The following TFCP2 variants were observed in gnomAD, a reference collection of about 807,000 sequenced individuals.
TFCP2 encodes alpha-globin transcription factor CP2.
In TFCP2, 33 loss-of-function variants were observed where a neutral mutation model predicts 73.4. The observed-to-expected ratio is 0.45, with a 90% CI of 0.34 to 0.60. The LOEUF is 0.60. TFCP2 is among the 20% of genes least tolerant of loss of function. The pLI, the probability that TFCP2 is intolerant of heterozygous loss-of-function variation, is 0.01. For missense variants in TFCP2, 352 were observed against 604.0 expected (o/e 0.58, Z 4.37); for synonymous variants, 193 against 211.6 (o/e 0.91, Z 0.76).
intron 6 of TFCP2, among the ~76,000 whole-genome samples, chr12:51,107,699 A>T (rs986167063): frequency 2.0e-5 from 3 of 151,752 alleles, no homozygotes; most frequent in Non-Finnish European, 4.4e-5. Context: ...CTCCGCCTCC[A>T]GGGTTCAAAT....
chr12:51,139,667 T>G (rs1340269898), intron 1 of TFCP2, among the ~76,000 whole-genome samples: 1 of 152,208 alleles, frequency 6.6e-6, no homozygotes, highest in East Asian at 1.9e-4. Flanking sequence ...CAGGAGACAC[T>G]GCACCTGGCC....
At chr12:51,145,294 A>C (rs1941272507) in intron 1 of TFCP2, among the ~76,000 whole-genome samples, 1 of 151,678 alleles carries the variant, frequency 6.6e-6, no homozygotes, top group Admixed American at 6.6e-5. Flanking sequence ...AAGCAGGAGA[A>C]TCGCTTGAAC....
intron 4 of TFCP2, among the ~76,000 whole-genome samples, chr12:51,113,432 CAACTT>C (rs918693086): frequency 6.6e-6 from 1 of 152,146 alleles, no homozygotes; most frequent in African/African-American, 2.4e-5. Flanking sequence ...TGGGAAGACA[CAACTT>C]AACTGCAAAC....
chr12:51,136,754 GGT>G (rs1468895861), intron 1 of TFCP2, among the ~76,000 whole-genome samples: 4 of 152,106 alleles, frequency 2.6e-5, no homozygotes, highest in African/African-American at 9.7e-5. Context: ...TAGCTGACAT[GGT>G]AAAACCCCAT....
chr12:51,100,644 C>A (rs548221121), intron 11 of TFCP2, among the ~76,000 whole-genome samples: 2 of 152,056 alleles, frequency 1.3e-5, no homozygotes, highest in Non-Finnish European at 2.9e-5. Context: ...GGCAAAACCC[C>A]GCCTCTACAA....
intron 13 of TFCP2, among the ~76,000 whole-genome samples, chr12:51,096,625 G>A (rs7954140): frequency 0.2 from 30,473 of 152,176 alleles, 3,096 homozygotes; most frequent in South Asian, 0.26. Flanking sequence ...GAATTAAAGA[G>A]TAACCTAATC....
At chr12:51,096,098 C>T (rs1939960580) in intron 13 of TFCP2, 58 bp from the exon 14 acceptor site, 1 of 1,450,652 alleles carries the variant, frequency 6.9e-7, no homozygotes, top group East Asian at 2.3e-5. Flanking sequence ...CTTTATATTC[C>T]TGTGTCCCTA....
chr12:51,155,651 G>T (rs1941520450), intron 1 of TFCP2, among the ~76,000 whole-genome samples: 1 of 152,178 alleles, frequency 6.6e-6, no homozygotes. Context: ...ATCTTTTCAT[G>T]TGCTTATTGG....
chr12:51,164,916 A>G (rs1450734241), intron 1 of TFCP2, among the ~76,000 whole-genome samples: 2 of 152,360 alleles, frequency 1.3e-5, no homozygotes, highest in Admixed American at 1.3e-4. Flanking sequence ...CCAGTATCAC[A>G]TGGCTGCATT....
rs35709772 is a variant in TFCP2, at chr12:51,130,471, C to CAA, written c.123-11701_123-11700dup. Among the ~76,000 whole-genome samples the CAA allele has an allele frequency of 3.2e-3, 454 of 143,190 alleles. 5 individuals are homozygous for CAA. The highest frequency in any genetic ancestry group is 1.0e-3 in the Non-Finnish European group (65 of 65,248). 93.9% of individuals were successfully genotyped at this position (143,190 alleles called of 152,430 possible). A position where few individuals can be genotyped will look rare whatever the true frequency, so the allele number is the denominator to read the frequency against. Reference sequence around the variant, plus strand: ...TGGGTGATAGAACGAGACTCCGTCTCAAAAAAAAAAAGAAGCTGCATTGGA... The same window carrying CAA: ...TGGGTGATAGAACGAGACTCCGTCTCAAAAAAAAAAAAAGAAGCTGCATTGGA... On this transcript the variant is annotated intron_variant, in intron 1 of 14. Coordinates refer to ENST00000257915, the MANE Select transcript of TFCP2 (RefSeq NM_005653.5).
intron 7 of TFCP2, chr12:51,107,019 G>C (rs1239141691): frequency 1.7e-6 from 1 of 593,964 alleles, no homozygotes; most frequent in Non-Finnish European, 3.0e-6. Flanking sequence ...AACCAAACCA[G>C]AGTAATTTGG....
rs1209242003 is a variant in TFCP2, at chr12:51,109,287, A to G, written c.565-14T>C. ...AATACAGTGCACCTGAAAAGAATAC[A>G]ACAGCAAGGCTTCAGTACCGCTAGC... is the stretch of plus-strand genomic sequence containing the variant. On this transcript the variant is annotated splice_polypyrimidine_tract_variant and intron_variant, in intron 5 of 14. Transcript: ENST00000257915. 6.2e-7 allele frequency: 1 copy of G among 1,613,992 alleles called. No homozygotes were observed. Among genetic ancestry groups the G allele is most frequent in the Admixed American group, 1.7e-5 (1 of 60,012 alleles).
At chr12:51,097,736 G>A (rs1455789784) in intron 13 of TFCP2, among the ~76,000 whole-genome samples, 1 of 151,986 alleles carries the variant, frequency 6.6e-6, no homozygotes, top group Non-Finnish European at 1.5e-5. Context: ...TGGTAAGATG[G>A]CCAGGCGTGG....
intron 5 of TFCP2, 36 bp downstream of exon 5, chr12:51,110,841 C>T (rs1940381340): frequency 2.2e-6 from 3 of 1,373,422 alleles, no homozygotes; most frequent in Middle Eastern, 1.8e-4. Flanking sequence ...AAGAGAGATA[C>T]TCTTCAAAAC....
chr12:51,128,715 AC>A (rs1321489287), intron 1 of TFCP2, among the ~76,000 whole-genome samples: 1 of 152,216 alleles, frequency 6.6e-6, no homozygotes, highest in Non-Finnish European at 1.5e-5. Flanking sequence ...ATACAACTGT[AC>A]CTAAAGAGTG....
chr12:51,172,296 C>T lies in TFCP2; in HGVS notation c.122+5G>A. ...AGGTGTAGGGTCTGGGAAAATCTCA[C>T]TCACCTCATGCTATAGGCACCAGCA... On this transcript the variant is annotated splice_donor_5th_base_variant and intron_variant, in intron 1 of 14. Transcript: ENST00000257915. 1 of 1,613,954 alleles carries T rather than the reference C, an allele frequency of 6.2e-7. No homozygotes were observed. The highest frequency in any genetic ancestry group is 8.5e-7 in the Non-Finnish European group (1 of 1,179,912).
intron 1 of TFCP2, among the ~76,000 whole-genome samples, chr12:51,132,044 C>T (rs1256864416): frequency 6.6e-6 from 1 of 152,166 alleles, no homozygotes; most frequent in Non-Finnish European, 1.5e-5. Context: ...CAGTTCCTAT[C>T]TAACTGTAAT....
intron 11 of TFCP2, 31 bp downstream of exon 11, chr12:51,101,904 C>G: frequency 7.0e-7 from 1 of 1,437,702 alleles, no homozygotes. Flanking sequence ...GGAATCCCAA[C>G]CTTATTGATA....
chr12:51,116,558 T>G, intron 3 of TFCP2, 138 bp from the exon 4 acceptor site: 1 of 447,192 alleles, frequency 2.2e-6, no homozygotes, highest in Non-Finnish European at 4.0e-6. Context: ...TGTTTCACTC[T>G]AAAACCCATA....
Sources: gnomAD v4.1 joint callset for allele counts (sites outside exome capture counted in the v4.1 genomes callset) on GRCh38, gnomAD v4.1.1 for gene constraint, MANE v1.5 for transcripts, NCBI Gene and HGNC (gene_info 2026-07-23, HGNC 2026-07-21) for gene names.